RINT1: variants seen among roughly 807,000 people sequenced by gnomAD.
The protein encoded by RINT1 is RAD50-interacting protein 1.
Under a neutral mutation model 97.7 loss-of-function variants are expected in RINT1, and 75 were observed. That is an observed-to-expected ratio of 0.77 (90% confidence interval 0.64 to 0.93). The LOEUF is 0.93. RINT1 is among the 40% of genes least tolerant of loss of function. The pLI is 0.00. For synonymous variants in RINT1, 303 were observed against 326.3 expected, an observed-to-expected ratio of 0.93 and a Z score of 0.77; for missense variants, 892 against 925.2, an observed-to-expected ratio of 0.96 and a Z score of 0.47.
intron 3 of RINT1, among the ~76,000 whole-genome samples, chr7:105,537,450 T>C (rs552028849): frequency 1.3e-4 from 19 of 151,732 alleles, no homozygotes; most frequent in Non-Finnish European, 1.8e-4. Context: ...TTTTAATAAA[T>C]GTACCCATAG....
chr7:105,565,331 G>T lies in RINT1; in HGVS notation c.1941G>T (p.Ser647=). ...SEQAVMSLSS[S]ACPLLLTLRD... ...AGGCAGTGATGTCCCTGTCCAGTTCGGCTTGCCCGTTGCTGCTGACGTTAC... is the reference window on the plus strand; with the variant it reads ...AGGCAGTGATGTCCCTGTCCAGTTCTGCTTGCCCGTTGCTGCTGACGTTAC... The change falls in exon 13 of 15, where the codon TCG becomes TCT. Residue 647 remains serine, a synonymous_variant. Transcript: ENST00000257700. 1 of 1,614,166 alleles carries T rather than the reference G, an allele frequency of 6.2e-7. No individual in the cohort carries two copies. Among genetic ancestry groups the T allele is most frequent in the Non-Finnish European group, 8.5e-7 (1 of 1,180,020 alleles).
chr7:105,542,308 C>G (rs2133372627), intron 3 of RINT1, 100 bp from the exon 4 acceptor site: 3 of 881,262 alleles, frequency 3.4e-6, no homozygotes, highest in South Asian at 3.5e-5. Flanking sequence ...GCACTCCAGC[C>G]TGGGCAACAG....
chr7:105,560,453 G>A (rs1791389388), intron 11 of RINT1, among the ~76,000 whole-genome samples: 1 of 152,132 alleles, frequency 6.6e-6, no homozygotes. Flanking sequence ...AAAAGATATG[G>A]GGCGGGGGCA....
At chr7:105,534,564 TTATATAG>T in intron 2 of RINT1, among the ~76,000 whole-genome samples, 1 of 149,354 alleles carries the variant, frequency 6.7e-6, no homozygotes, top group East Asian at 1.9e-4. Flanking sequence ...TTATATATAA[TTATATAG>T]TATAATTAAT....
At position 105,563,901 on chromosome 7, in the gene RINT1, G is replaced by T; in HGVS notation, c.1840G>T (p.Val614Phe). Residue 614 changes from valine to phenylalanine, a missense_variant, in exon 12 of 15, where the codon GTT becomes TTT. Coordinates refer to ENST00000257700, the MANE Select transcript of RINT1 (RefSeq NM_021930.6). ...TATGTTGACCCGTCAAGTAGACCACGTTTTTAGAGAAGTTAAAGATGCTGC... is the reference window on the plus strand; with the variant it reads ...TATGTTGACCCGTCAAGTAGACCACTTTTTTAGAGAAGTTAAAGATGCTGC... ...HDMLTRQVDH[V>F]FREVKDAAKL... 6.2e-7 allele frequency: 1 copy of T among 1,614,030 alleles called. No homozygotes were observed. Among genetic ancestry groups the T allele is most frequent in the Non-Finnish European group, 8.5e-7 (1 of 1,179,986 alleles).
rs1206403932 is a variant in RINT1, at chr7:105,560,085, G to A, written c.1672-3648G>A. ...CTTTCTAAAAGGATTAGGCATGGCT[G>A]TTCTAAAGTTGTCAATTTCTGGTTT... On this transcript the variant is annotated intron_variant, in intron 11 of 14. Coordinates refer to ENST00000257700, the MANE Select transcript of RINT1 (RefSeq NM_021930.6). Among the ~76,000 whole-genome samples, 5 of 152,328 alleles carry A rather than the reference G, an allele frequency of 3.3e-5. No individual in the cohort carries two copies. The East Asian group carries it at 9.6e-4, about 29-fold the overall frequency.
At chr7:105,547,442 C>G in intron 6 of RINT1, 109 bp downstream of exon 6, 1 of 1,102,990 alleles carries the variant, frequency 9.1e-7, no homozygotes, top group Non-Finnish European at 1.3e-6. Flanking sequence ...AATAAGAATC[C>G]TGTGTTTGGA....
In RINT1 at chr7:105,563,858, A is replaced by G; in HGVS notation, c.1797A>G (p.Leu599=). ...TCTTTGATGACATGATTAACCTCTT[A>G]GAACGTTTAAAGCATGATATGTTGA... ...SSVFDDMINL[L]ERLKHDMLTR... The change falls in exon 12 of 15, where the codon TTA becomes TTG. Residue 599 remains leucine, a synonymous_variant. Coordinates refer to ENST00000257700, the MANE Select transcript of RINT1 (RefSeq NM_021930.6). 1.2e-6 allele frequency: 2 copies of G among 1,614,146 alleles called. No homozygotes were observed. Among genetic ancestry groups the G allele is most frequent in the Non-Finnish European group, 1.7e-6 (2 of 1,180,014 alleles).
chr7:105,549,344 A>AGACTAGCAATTTTTT (rs1386289392), intron 7 of RINT1, among the ~76,000 whole-genome samples: 1 of 151,102 alleles, frequency 6.6e-6, no homozygotes, highest in Non-Finnish European at 1.5e-5. Context: ...TTTGTAATGC[A>AGACTAGCAATTTTTT]GACTAGCAAT....
Position 105,548,623 on chromosome 7 carries a change from C to G in RINT1, c.909C>G (p.Ile303Met), listed in dbSNP as rs529700102. ...CTCTTCCTGCCTCCCCTTCTGTCAT[C>G]CTGCCCATCCAGGTTATGCTGACTC... ...KYSLPASPSV[I>M]LPIQVMLTPL... is the part of the protein sequence containing the mutation. The change falls in exon 7 of 15, where the codon ATC becomes ATG. Residue 303 changes from isoleucine to methionine, a missense_variant. Ile to Met is a conservative substitution (Grantham distance 10). Coordinates refer to ENST00000257700, the MANE Select transcript of RINT1 (RefSeq NM_021930.6). The G allele has an allele frequency of 6.2e-7, 1 of 1,614,132 alleles. No homozygotes were observed. The highest frequency in any genetic ancestry group is 1.3e-5 in the African/African-American group (1 of 75,066).
Position 105,532,832 on chromosome 7 carries a change from T to C in RINT1, c.51T>C (p.Ser17=), listed in dbSNP as rs2133348828. 15 of 1,614,156 alleles carry C rather than the reference T, an allele frequency of 9.3e-6. No homozygotes were observed. Among genetic ancestry groups the C allele is most frequent in the Non-Finnish European group, 1.3e-5 (15 of 1,179,996 alleles). The change falls in exon 2 of 15, where the codon TCT becomes TCC. Residue 17 remains serine (S), a synonymous_variant. Coordinates refer to ENST00000257700, the MANE Select transcript of RINT1 (RefSeq NM_021930.6). ...ATCTGTTCTTCTTCTAGTGCTGCTC[T>C]GAAAGTGGTGACGAAAGGAAGAACC... ...IGASPAAPCC[S]ESGDERKNLE...
chr7:105,564,670 A>G (rs1791612158), intron 12 of RINT1, among the ~76,000 whole-genome samples: 1 of 152,176 alleles, frequency 6.6e-6, no homozygotes, highest in Non-Finnish European at 1.5e-5. Flanking sequence ...TTTTTACTAA[A>G]AATTAGAGGA....
At chr7:105,550,571 A>T in intron 9 of RINT1, 85 bp downstream of exon 9, 8 of 976,814 alleles carry the variant, frequency 8.2e-6, no homozygotes, top group Non-Finnish European at 1.3e-5. Context: ...TCCAGTTCTA[A>T]ATAGGAACTA....
In RINT1 at chr7:105,542,504, G is replaced by A. The variant is rs1332961202; in HGVS notation, c.370G>A (p.Glu124Lys). Residue 124 changes from glutamate (E) to lysine (K), a missense_variant, in exon 4 of 15, where the codon GAA (glutamate) becomes AAA (lysine). Physicochemically the swap from Glu to Lys is moderately conservative, Grantham distance 56 (BLOSUM62 1). Transcript: ENST00000257700. ...ATTTCTTAATCAGTTTCTGGAGCAGGAAACTCATCTCTTCAGCGCCATTAA... is the reference window on the plus strand; with the variant it reads ...ATTTCTTAATCAGTTTCTGGAGCAGAAAACTCATCTCTTCAGCGCCATTAA... ...KQFLNQFLEQ[E>K]THLFSAINSH... 6.2e-7 allele frequency: 1 copy of A among 1,614,124 alleles called. No homozygotes were observed. Among genetic ancestry groups the A allele is most frequent in the South Asian group, 1.1e-5 (1 of 91,072 alleles).
At chr7:105,559,172 A>C (rs989179940) in intron 11 of RINT1, among the ~76,000 whole-genome samples, 1 of 150,232 alleles carries the variant, frequency 6.7e-6, no homozygotes, top group African/African-American at 2.5e-5. Flanking sequence ...AGGTGGGTGG[A>C]TCACCTGACG....
At chr7:105,556,554 A>G (rs1269901022) in intron 11 of RINT1, among the ~76,000 whole-genome samples, 1 of 152,116 alleles carries the variant, frequency 6.6e-6, no homozygotes, top group Non-Finnish European at 1.5e-5. Context: ...ATTGTATCTG[A>G]AAAAATTAAC....
chr7:105,561,697 G>A (rs1013945400), intron 11 of RINT1, among the ~76,000 whole-genome samples: 1 of 152,018 alleles, frequency 6.6e-6, no homozygotes, highest in Non-Finnish European at 1.5e-5. Context: ...GAGTAGCTGG[G>A]ATTACAGGCA....
In RINT1 at chr7:105,567,276, A is replaced by G; in HGVS notation, c.2344A>G (p.Asn782Asp). 6.2e-7 allele frequency: 1 copy of G among 1,608,668 alleles called. No individual in the cohort carries two copies. The change falls in exon 15 of 15, where the codon AAT becomes GAT. Residue 782 changes from asparagine to aspartate, a missense_variant. Asn to Asp is a conservative substitution (Grantham distance 23). Transcript: ENST00000257700. The stretch of plus-strand genomic sequence containing the variant: ...TCAACAAGATGTTGAGATTCTACTT[A>G]ATTTGAGGACAAATTGGCCTAATAC... Reference protein sequence around the residue: ...LAQQDVEILLNLRTNWPNTGK With the variant: ...LAQQDVEILLDLRTNWPNTGK
At chr7:105,565,991 C>T (rs947600968) in intron 14 of RINT1, among the ~76,000 whole-genome samples, 4 of 152,178 alleles carry the variant, frequency 2.6e-5, no homozygotes, top group East Asian at 3.9e-4. Flanking sequence ...ATTACAGGGC[C>T]GGGCGTGGTG....
Sources: allele counts gnomAD v4.1 joint callset (sites outside exome capture counted in the v4.1 genomes callset), GRCh38; gene constraint gnomAD v4.1.1; transcripts MANE v1.5; gene names NCBI Gene and HGNC (gene_info 2026-07-23, HGNC 2026-07-21).